Variants in TBC1D16 observed in about 807,000 individuals in gnomAD.
The protein encoded by TBC1D16 is CTD-2529O21.1.
Under a neutral mutation model 74.7 loss-of-function variants are expected in TBC1D16, and 58 were observed. That is an observed-to-expected ratio of 0.78 (90% confidence interval 0.63 to 0.97). The LOEUF is 0.97. Ranked by LOEUF, TBC1D16 falls within the 50% of genes least tolerant of loss-of-function variation. The pLI is 0.00. For synonymous variants in TBC1D16, 493 were observed against 474.7 expected (o/e 1.04, Z -0.50); for missense variants, 1,014 against 1,079.5 (o/e 0.94, Z 0.85).
chr17:79,951,596 C>T lies in TBC1D16; in HGVS notation c.943G>A (p.Asp315Asn), dbSNP rs1281322771. Residue 315 changes from aspartate (D) to asparagine (N), a missense_variant and splice_region_variant, in exon 5 of 12, where the codon GAC becomes AAC. Transcript: ENST00000310924. The part of the protein sequence containing the change: ...HMRSLRLFFS[D>N]EACTSGQLVV... ...AGCTGGCCGCTGGTGCAGGCCTCGT[C>T]GCTGAAGGGCCATTGGAAGGGGGAG... is the stretch of plus-strand genomic sequence containing the variant. 6.2e-6 allele frequency: 10 copies of T among 1,612,308 alleles called. No individual in the cohort carries two copies. Among genetic ancestry groups the T allele is most frequent in the African/African-American group, 1.3e-5 (1 of 74,804 alleles).
At chr17:80,030,362 C>T (rs564884874) in intron 1 of TBC1D16, among the ~76,000 whole-genome samples, 2 of 152,204 alleles carry the variant, frequency 1.3e-5, no homozygotes, top group East Asian at 1.9e-4. Flanking sequence ...GAGGAGCACG[C>T]CTGGGCCCCG....
chr17:79,984,239 T>C (rs2034720264), intron 3 of TBC1D16, among the ~76,000 whole-genome samples: 1 of 152,104 alleles, frequency 6.6e-6, no homozygotes, highest in South Asian at 2.1e-4. Flanking sequence ...TGCCCAGGCC[T>C]GAAGTGATGC....
chr17:79,982,720 G>T (rs2034637340), intron 3 of TBC1D16, among the ~76,000 whole-genome samples: 2 of 151,826 alleles, frequency 1.3e-5, no homozygotes, highest in African/African-American at 4.8e-5. Context: ...TTAGCCGGGT[G>T]TAACGGCCGG....
In TBC1D16 at chr17:80,000,514, T is replaced by C. The variant is rs530480431; in HGVS notation, c.779+9646A>G. On this transcript the variant is annotated intron_variant, in intron 3 of 11. Coordinates refer to ENST00000310924, the MANE Select transcript of TBC1D16 (RefSeq NM_019020.4). The surrounding 1 kb of genome is among the most constrained non-coding windows in gnomAD (Gnocchi z 4.1). The stretch of plus-strand genomic sequence containing the variant: ...AGACCTTCCAGAGGGAGCGTGGCTC[T>C]GCAGACACCTTGATTTTGGACCTCT... Among the ~76,000 whole-genome samples the C allele has an allele frequency of 6.6e-6, 1 of 152,360 alleles. No individual in the cohort carries two copies. The highest frequency in any genetic ancestry group is 2.1e-4 in the South Asian group (1 of 4,830).
In TBC1D16 at chr17:79,983,654, GT is replaced by G. The variant is rs2034687513; in HGVS notation, c.779+26505del. Among the ~76,000 whole-genome samples the G allele has an allele frequency of 6.6e-6, 1 of 152,208 alleles. No homozygotes were observed. The highest frequency in any genetic ancestry group is 6.5e-5 in the Admixed American group (1 of 15,288). ...AAGCCTGCTTTAGGAGAGCAAGGAAGTGCCGCCCACGGCATTCCGGAAGGTG... is the reference window on the plus strand; with the variant it reads ...AAGCCTGCTTTAGGAGAGCAAGGAAGGCCGCCCACGGCATTCCGGAAGGTG... On this transcript the variant is annotated intron_variant, in intron 3 of 11. Coordinates refer to ENST00000310924, the MANE Select transcript of TBC1D16 (RefSeq NM_019020.4). This position sits in a 1 kb window ranked among gnomAD's most constrained non-coding sequence, Gnocchi z 5.6.
Position 80,010,332 on chromosome 17 carries a change from G to A in TBC1D16, c.607C>T (p.Arg203Trp), listed in dbSNP as rs370285162. 3.0e-5 allele frequency: 49 copies of A among 1,610,294 alleles called. 1 individual carries two copies. Among genetic ancestry groups the A allele is most frequent in the East Asian group, 2.5e-4 (11 of 44,678 alleles). Residue 203 changes from arginine to tryptophan, a missense_variant, in exon 3 of 12, where the codon CGG becomes TGG. Arg to Trp is a moderately radical substitution (Grantham distance 101). Coordinates refer to ENST00000310924, the MANE Select transcript of TBC1D16 (RefSeq NM_019020.4). This position sits in a 1 kb window ranked among gnomAD's most constrained non-coding sequence, Gnocchi z 8.8. Reference sequence around the variant, plus strand: ...CCATCCTCCTCCCCGGCCTCGGGCCGCGGCTCCCGCCCCTCCTCGGTGACA... The same window carrying A: ...CCATCCTCCTCCCCGGCCTCGGGCCACGGCTCCCGCCCCTCCTCGGTGACA... ...QDVTEEGREP[R>W]PEAGEEDGSL...
Position 79,945,028 on chromosome 17 carries a change from C to G in TBC1D16, c.1788G>C (p.Ser596=), listed in dbSNP as rs779845852. 10 of 1,582,348 alleles carry G rather than the reference C, an allele frequency of 6.3e-6. No homozygotes were observed. The East Asian group carries it at 2.1e-4, about 33-fold the overall frequency. The part of the protein sequence containing the change: ...THVRFYQHLV[S]LGEDGLQMLF... ...GCATCTGCAGGCCGTCCTCGCCCAG[C>G]GAGACCAGGTGCTGGTAGAAGCGCA... The change falls in exon 10 of 12, where the codon TCG becomes TCC. Residue 596 remains serine, a synonymous_variant. Coordinates refer to ENST00000310924, the MANE Select transcript of TBC1D16 (RefSeq NM_019020.4).
rs1481299834 is a variant in TBC1D16 at position 79,937,707 on chromosome 17, A to G, written c.*3152T>C. ...TTTCCCCTCTGCACCTGGTGAGGAC[A>G]CCAGGCTCCTCGCTTCCTCCCCAGA... On this transcript the variant is annotated 3_prime_UTR_variant, in exon 12 of 12. Coordinates refer to ENST00000310924, the MANE Select transcript of TBC1D16 (RefSeq NM_019020.4). 1.3e-5 allele frequency: 2 copies of G among 152,272 alleles called. No homozygotes were observed. The highest frequency in any genetic ancestry group is 2.9e-5 in the Non-Finnish European group (2 of 68,104). 9.4% of individuals were successfully genotyped at this position (152,272 alleles called of 1,614,324 possible).
In TBC1D16 at chr17:80,010,413, C is replaced by A; in HGVS notation, c.526G>T (p.Ala176Ser). The A allele has an allele frequency of 6.2e-7, 1 of 1,611,236 alleles. No individual in the cohort carries two copies. Among genetic ancestry groups the A allele is most frequent in the Non-Finnish European group, 8.5e-7 (1 of 1,179,094 alleles). The part of the protein sequence containing the change: ...QGLGVDGAQP[A>S]SQPACSPSGI... ...GAGGGGCTGCAAGCAGGCTGCGAGG[C>A]TGGCTGGGCACCATCCACCCCCAAG... The change falls in exon 3 of 12, where the codon GCC (alanine) becomes TCC (serine). Residue 176 changes from alanine (A) to serine (S), a missense_variant. Transcript: ENST00000310924. The surrounding 1 kb of genome is among the most constrained non-coding windows in gnomAD (Gnocchi z 8.8).
In TBC1D16 at chr17:79,980,091, T is replaced by G. The variant is rs924119553; in HGVS notation, c.780-27273A>C. ...GTGGAGGGTGGCCGCGAGGTTCATC[T>G]GGGCCTCCGAGCCTCCCAGCGCATC... On this transcript the variant is annotated intron_variant, in intron 3 of 11. Transcript: ENST00000310924. The surrounding 1 kb of genome is among the most constrained non-coding windows in gnomAD (Gnocchi z 7.0). Among the ~76,000 whole-genome samples the G allele has an allele frequency of 7.2e-5, 11 of 152,300 alleles. No homozygotes were observed. The South Asian group carries it at 1.9e-3, about 26-fold the overall frequency.
In TBC1D16 at chr17:79,979,898, C is replaced by T. The variant is rs140428286; in HGVS notation, c.780-27080G>A. On this transcript the variant is annotated intron_variant, in intron 3 of 11. Coordinates refer to ENST00000310924, the MANE Select transcript of TBC1D16 (RefSeq NM_019020.4). This position sits in a 1 kb window ranked among gnomAD's most constrained non-coding sequence, Gnocchi z 4.8. ...TCTGGCTTCCAGGTGGTGGGCTCTG[C>T]GGGCCAGAGCTTGGGGCGCAGGAGG... 2.0e-5 allele frequency among the ~76,000 whole-genome samples: 3 copies of T among 152,210 alleles called. No individual in the cohort carries two copies. Among genetic ancestry groups the T allele is most frequent in the South Asian group, 2.1e-4 (1 of 4,818 alleles).
At position 79,994,153 on chromosome 17, in the gene TBC1D16, C is replaced by G. The variant is rs1470228342; in HGVS notation, c.779+16007G>C. Among the ~76,000 whole-genome samples, 1 of 151,924 alleles carries G rather than the reference C, an allele frequency of 6.6e-6. No individual in the cohort carries two copies. Among genetic ancestry groups the G allele is most frequent in the Admixed American group, 6.6e-5 (1 of 15,230 alleles). ...GCTTTTTAAAGAGCTGTCAGTCCTTCGGAAGACAGTCAATAACAGCATGGT... is the reference window on the plus strand; with the variant it reads ...GCTTTTTAAAGAGCTGTCAGTCCTTGGGAAGACAGTCAATAACAGCATGGT... On this transcript the variant is annotated intron_variant, in intron 3 of 11. Coordinates refer to ENST00000310924, the MANE Select transcript of TBC1D16 (RefSeq NM_019020.4). The surrounding 1 kb of genome is among the most constrained non-coding windows in gnomAD (Gnocchi z 4.6).
intron 1 of TBC1D16, among the ~76,000 whole-genome samples, chr17:80,018,753 A>C (rs2036186768): frequency 6.7e-6 from 1 of 149,258 alleles, no homozygotes; most frequent in African/African-American, 2.6e-5. Context: ...GGCACATGCC[A>C]CCAGGTCCCG....
At chr17:79,962,125 G>GAT (rs2033640937) in intron 3 of TBC1D16, among the ~76,000 whole-genome samples, 1 of 149,708 alleles carries the variant, frequency 6.7e-6, no homozygotes, top group African/African-American at 2.5e-5. Flanking sequence ...ATGCAAAGCA[G>GAT]ATGCAACTTT....
In TBC1D16 at chr17:79,939,286, C is replaced by T. The variant is rs1049222545; in HGVS notation, c.*1573G>A. 5.3e-5 allele frequency: 8 copies of T among 152,236 alleles called. No individual in the cohort carries two copies. Among genetic ancestry groups the T allele is most frequent in the African/African-American group, 1.9e-4 (8 of 41,456 alleles). 9.4% of individuals were successfully genotyped at this position (152,236 alleles called of 1,614,324 possible). On this transcript the variant is annotated 3_prime_UTR_variant, in exon 12 of 12. Coordinates refer to ENST00000310924, the MANE Select transcript of TBC1D16 (RefSeq NM_019020.4). ...TCCAGGACGGTCTCCTCAAAAGGCT[C>T]TTAGGCAGACAGACCTGGGAACTTG... is the stretch of plus-strand genomic sequence containing the variant.
At chr17:79,970,690 G>A (rs1003730500) in intron 3 of TBC1D16, among the ~76,000 whole-genome samples, 3 of 152,162 alleles carry the variant, frequency 2.0e-5, no homozygotes, top group East Asian at 1.9e-4. Context: ...GGGAGGTGGA[G>A]GGGCTGGGCA....
rs1203773895 is a variant in TBC1D16 at position 79,981,604 on chromosome 17, C to T, written c.779+28556G>A. 6.6e-6 allele frequency among the ~76,000 whole-genome samples: 1 copy of T among 152,248 alleles called. No homozygotes were observed. Among genetic ancestry groups the T allele is most frequent in the East Asian group, 1.9e-4 (1 of 5,202 alleles). Reference sequence around the variant, plus strand: ...ATGCGCATGAACATGATTTTTAAGCCATCCTACCAGCAACACTTCGTTTTC... The same window carrying T: ...ATGCGCATGAACATGATTTTTAAGCTATCCTACCAGCAACACTTCGTTTTC... On this transcript the variant is annotated intron_variant, in intron 3 of 11. Coordinates refer to ENST00000310924, the MANE Select transcript of TBC1D16 (RefSeq NM_019020.4). This position sits in a 1 kb window ranked among gnomAD's most constrained non-coding sequence, Gnocchi z 6.9.
At chr17:79,965,990 A>T (rs2033823978) in intron 3 of TBC1D16, among the ~76,000 whole-genome samples, 1 of 152,224 alleles carries the variant, frequency 6.6e-6, no homozygotes, top group Non-Finnish European at 1.5e-5. Context: ...CATGGCTTAA[A>T]GCAACACGAA....
rs2034825665 is a variant in TBC1D16, at chr17:79,986,146, G to T, written c.779+24014C>A. Among the ~76,000 whole-genome samples, 4 of 152,318 alleles carry T rather than the reference G, an allele frequency of 2.6e-5. 1 individual carries two copies. The South Asian group carries it at 8.3e-4, about 32-fold the overall frequency. On this transcript the variant is annotated intron_variant, in intron 3 of 11. Transcript: ENST00000310924. This position sits in a 1 kb window ranked among gnomAD's most constrained non-coding sequence, Gnocchi z 6.0. The stretch of plus-strand genomic sequence containing the variant: ...AAATAAAAGCTTTTGATTAGCAGCT[G>T]CATGAATCACTGCAGTGCCAATTTC...
Sources: gnomAD v4.1 joint callset for allele counts (sites outside exome capture counted in the v4.1 genomes callset) on GRCh38, gnomAD v4.1.1 for gene constraint, Gnocchi (gnomAD v3.1) non-coding constraint, MANE v1.5 for transcripts, NCBI Gene and HGNC (gene_info 2026-07-23, HGNC 2026-07-21) for gene names.